Variants in VKORC1L1 observed in about 807,000 individuals in gnomAD.
The protein encoded by VKORC1L1 is vitamin K epoxide reductase complex subunit 1L1, also known as vitamin K epoxide reductase complex subunit 1-like protein 1.
VKORC1L1 carries 2 observed loss-of-function variants against 18.9 expected under a neutral mutation model. The ratio of observed to expected loss-of-function variants is 0.11; its 90% CI spans 0.04 to 0.33. VKORC1L1 has a LOEUF of 0.33. Among genes scored for constraint, VKORC1L1 ranks in the 10% least tolerant of loss-of-function variants. VKORC1L1 has a pLI of 1.00. For missense variants in VKORC1L1, 123 were observed against 224.1 expected (o/e 0.55, Z 2.88); for synonymous variants, 96 against 100.0 (o/e 0.96, Z 0.24).
chr7:65,874,516 G>A (rs1788792675), intron 1 of VKORC1L1, among the ~76,000 whole-genome samples: 1 of 151,788 alleles, frequency 6.6e-6, no homozygotes, highest in Non-Finnish European at 1.5e-5. Context: ...GCTTAAAATT[G>A]ACTTTTCTTG....
At chr7:65,941,258 A>G (rs1222970032) in intron 1 of VKORC1L1, among the ~76,000 whole-genome samples, 1 of 152,152 alleles carries the variant, frequency 6.6e-6, no homozygotes, top group South Asian at 2.1e-4. Context: ...GGCATGTGCC[A>G]TCACGCCCAG....
chr7:65,913,767 G>T (rs1789542356), intron 1 of VKORC1L1, among the ~76,000 whole-genome samples: 1 of 148,662 alleles, frequency 6.7e-6, no homozygotes, highest in Non-Finnish European at 1.5e-5. Context: ...GGTGAGATGT[G>T]GTGGAATGAG....
intron 1 of VKORC1L1, among the ~76,000 whole-genome samples, chr7:65,927,844 T>C (rs1208753814): frequency 6.6e-6 from 1 of 152,204 alleles, no homozygotes; most frequent in Non-Finnish European, 1.5e-5. Flanking sequence ...GGTACAATTA[T>C]TTATGTTGCA....
chr7:65,902,532 T>A (rs1789335650), intron 1 of VKORC1L1, among the ~76,000 whole-genome samples: 1 of 152,022 alleles, frequency 6.6e-6, no homozygotes, highest in African/African-American at 2.4e-5. Context: ...TAGTCTAACA[T>A]ATGTGTAATT....
rs1291216283 is a variant in VKORC1L1, at chr7:65,957,483, CCAAA to C, written c.*3184_*3187del. The C allele has an allele frequency of 7.7e-6, 1 of 129,988 alleles. No homozygotes were observed. 8.1% of individuals were successfully genotyped at this position (129,988 alleles called of 1,614,324 possible). A position where few individuals can be genotyped will look rare whatever the true frequency, so the allele number is the denominator to read the frequency against. ...CCAACAGAGCGAGACTGTCCCCCCC[CCAAA>C]AAAAAAAGAGAGAGACTGCATTCAA... On this transcript the variant is annotated 3_prime_UTR_variant, in exon 3 of 3. Transcript: ENST00000360768.
chr7:65,889,000 G>A (rs905086931), intron 1 of VKORC1L1, among the ~76,000 whole-genome samples: 1 of 151,870 alleles, frequency 6.6e-6, no homozygotes, highest in Non-Finnish European at 1.5e-5. Context: ...ACATCAACCT[G>A]CAGGGAGTGA....
chr7:65,904,122 T>C (rs1414846013), intron 1 of VKORC1L1, among the ~76,000 whole-genome samples: 3 of 152,146 alleles, frequency 2.0e-5, no homozygotes, highest in African/African-American at 4.8e-5. Flanking sequence ...TAATAATGCA[T>C]TATAGGTTTT....
At chr7:65,927,336 G>C (rs1047188996) in intron 1 of VKORC1L1, among the ~76,000 whole-genome samples, 1 of 152,044 alleles carries the variant, frequency 6.6e-6, no homozygotes, top group Non-Finnish European at 1.5e-5. Context: ...ACACTAATTG[G>C]GTGACAAGTG....
At chr7:65,927,394 T>C (rs1789783711) in intron 1 of VKORC1L1, among the ~76,000 whole-genome samples, 1 of 152,220 alleles carries the variant, frequency 6.6e-6, no homozygotes, top group African/African-American at 2.4e-5. Context: ...ATGGATTCAC[T>C]ATATATAGTG....
intron 2 of VKORC1L1, 40 bp from the exon 3 acceptor site, chr7:65,954,034 G>T (rs1358858515): frequency 4.5e-6 from 7 of 1,549,052 alleles, no homozygotes; most frequent in Non-Finnish European, 5.3e-6. Flanking sequence ...CCTCTCTCCA[G>T]CACCAAGGCC....
At chr7:65,871,591 T>G (rs1788726734), upstream of VKORC1L1, among the ~76,000 whole-genome samples, 1 of 152,248 alleles carries the variant, frequency 6.6e-6, no homozygotes, top group African/African-American at 2.4e-5. Flanking sequence ...GTGATCTCAC[T>G]CTCATTTTCT....
At chr7:65,908,867 GTAGACTGA>G (rs1789450920) in intron 1 of VKORC1L1, among the ~76,000 whole-genome samples, 1 of 149,670 alleles carries the variant, frequency 6.7e-6, no homozygotes, top group Admixed American at 6.6e-5. Context: ...CCAATCCATT[GTAGACTGA>G]TATGTTTGCA....
At chr7:65,901,651 G>T (rs1789319037) in intron 1 of VKORC1L1, among the ~76,000 whole-genome samples, 1 of 152,106 alleles carries the variant, frequency 6.6e-6, no homozygotes, top group Non-Finnish European at 1.5e-5. Context: ...TCTTAGAATT[G>T]GGAGGACAAG....
intron 1 of VKORC1L1, among the ~76,000 whole-genome samples, chr7:65,918,168 A>G (rs1240247793): frequency 6.6e-6 from 1 of 152,164 alleles, no homozygotes; most frequent in African/African-American, 2.4e-5. Context: ...CTTTTGTTCT[A>G]CTACAGTTTT....
the VKORC1L1 span, among the ~76,000 whole-genome samples, chr7:65,866,736 C>T: frequency 2.6e-5 from 4 of 151,968 alleles, no homozygotes. Flanking sequence ...ATAGTGAGAC[C>T]CCCATCTCTA....
At position 65,898,077 on chromosome 7, in the gene VKORC1L1, GTTTTTTTTTT is replaced by G. The variant is rs71051319; in HGVS notation, c.194+24532_194+24541del. 4.3e-3 allele frequency among the ~76,000 whole-genome samples: 354 copies of G among 82,998 alleles called. 2 individuals carry two copies. Among genetic ancestry groups the G allele is most frequent in the African/African-American group, 0.014 (318 of 22,446 alleles). The allele number at this position is 82,998 out of a possible 152,430, so 54.4% of individuals were successfully genotyped here. On this transcript the variant is annotated intron_variant, in intron 1 of 2. Transcript: ENST00000360768. The stretch of plus-strand genomic sequence containing the variant: ...CAGTCATACAGTAAATTTGTAGCAG[GTTTTTTTTTT>G]TTTTTTTTTTTTTTTTTTTGAGACA...
rs1338072967 is a variant in VKORC1L1, at chr7:65,955,606, T to C, written c.*1306T>C. On this transcript the variant is annotated 3_prime_UTR_variant, in exon 3 of 3. Coordinates refer to ENST00000360768, the MANE Select transcript of VKORC1L1 (RefSeq NM_173517.6). Reference sequence around the variant, plus strand: ...ATGTTTGTATGGTTAACATCTGATATCAGAATGTTAAAAGTGCCTTCTGTC... The same window carrying C: ...ATGTTTGTATGGTTAACATCTGATACCAGAATGTTAAAAGTGCCTTCTGTC... 1.3e-5 allele frequency: 2 copies of C among 152,224 alleles called. No individual in the cohort carries two copies. Among genetic ancestry groups the C allele is most frequent in the African/African-American group, 2.4e-5 (1 of 41,458 alleles). 9.4% of individuals were successfully genotyped at this position (152,224 alleles called of 1,614,324 possible). A position where few individuals can be genotyped will look rare whatever the true frequency, so the allele number is the denominator to read the frequency against.
rs772176427 is a variant in VKORC1L1 at position 65,954,183 on chromosome 7, C to G, written c.414C>G (p.Phe138Leu). Residue 138 changes from phenylalanine to leucine, a missense_variant, in exon 3 of 3, where the codon TTC (phenylalanine) becomes TTG (leucine). Phe to Leu is a conservative substitution (Grantham distance 22). Coordinates refer to ENST00000360768, the MANE Select transcript of VKORC1L1 (RefSeq NM_173517.6). Reference sequence around the variant, plus strand: ...TTCTGTACTTTGTGCTGAAGGAGTTCTGCATCATCTGCATCGTCACGTACG... The same window carrying G: ...TTCTGTACTTTGTGCTGAAGGAGTTGTGCATCATCTGCATCGTCACGTACG... ...AYILYFVLKE[F>L]CIICIVTYVL... 1.2e-6 allele frequency: 2 copies of G among 1,614,148 alleles called. No individual in the cohort carries two copies. Among genetic ancestry groups the G allele is most frequent in the Non-Finnish European group, 1.7e-6 (2 of 1,180,030 alleles).
At chr7:65,915,279 G>A (rs1327157397) in intron 1 of VKORC1L1, among the ~76,000 whole-genome samples, 2 of 151,478 alleles carry the variant, frequency 1.3e-5, no homozygotes, top group African/African-American at 2.4e-5. Context: ...TTTTAGTAGA[G>A]ACGGGGTTTC....
Sources: allele counts gnomAD v4.1 joint callset (sites outside exome capture counted in the v4.1 genomes callset), GRCh38; gene constraint gnomAD v4.1.1; transcripts MANE v1.5; gene names NCBI Gene and HGNC (gene_info 2026-07-23, HGNC 2026-07-21).